CSNK2A2: variants seen among roughly 807,000 people sequenced by gnomAD.
CSNK2A2 encodes casein kinase II subunit alpha'.
A neutral mutation model predicts 54.0 loss-of-function variants in CSNK2A2; 8 were observed. The ratio of observed to expected loss-of-function variants is 0.15; its 90% CI spans 0.09 to 0.27. The LOEUF (loss-of-function observed/expected upper bound fraction) is 0.27. Among genes scored for constraint, CSNK2A2 ranks in the 10% least tolerant of loss-of-function variants. The probability of loss-of-function intolerance (pLI) is 1.00; values close to 1 mark genes in which losing one functional copy is unlikely to be tolerated. For missense variants in CSNK2A2, 242 were observed against 439.4 expected, an observed-to-expected ratio of 0.55 and a Z score of 4.02; for synonymous variants, 141 against 153.9, an observed-to-expected ratio of 0.92 and a Z score of 0.62.
rs146014759 is a variant in CSNK2A2, at chr16:58,158,103, T to C, written c.*268A>G. Reference sequence around the variant, plus strand: ...CAACAGTAACCAACAACATTCTGCATACCCTTCACATTCCCCATGCTTTCT... The same window carrying C: ...CAACAGTAACCAACAACATTCTGCACACCCTTCACATTCCCCATGCTTTCT... On this transcript the variant is annotated 3_prime_UTR_variant, in exon 12 of 12. Coordinates refer to ENST00000262506, the MANE Select transcript of CSNK2A2 (RefSeq NM_001896.4). 6.5e-6 allele frequency: 1 copy of C among 152,712 alleles called. No individual in the cohort carries two copies. The highest frequency in any genetic ancestry group is 2.4e-5 in the African/African-American group (1 of 41,554). 9.5% of individuals were successfully genotyped at this position (152,712 alleles called of 1,614,324 possible). A position where few individuals can be genotyped will look rare whatever the true frequency, so the allele number is the denominator to read the frequency against.
chr16:58,179,062 T>C (rs1031783861), intron 4 of CSNK2A2, among the ~76,000 whole-genome samples: 3 of 152,174 alleles, frequency 2.0e-5, no homozygotes, highest in African/African-American at 7.2e-5. Context: ...ATTGTATAAA[T>C]ATTAAATTTC....
At chr16:58,182,554 C>CAAAAAA (rs59002536) in intron 4 of CSNK2A2, among the ~76,000 whole-genome samples, 8 of 80,594 alleles carry the variant, frequency 9.9e-5, no homozygotes, top group Admixed American at 1.3e-4. Context: ...GGCTCCGTCT[C>CAAAAAA]AAAAAAAAAA....
intron 2 of CSNK2A2, chr16:58,192,723 T>A (rs372697618): frequency 6.6e-6 from 1 of 152,250 alleles, no homozygotes; most frequent in Non-Finnish European, 1.5e-5. Context: ...CCAGTACAGA[T>A]CAGGACATCA....
chr16:58,176,837 CA>C (rs1293904107), intron 4 of CSNK2A2, among the ~76,000 whole-genome samples: 1 of 152,238 alleles, frequency 6.6e-6, no homozygotes, highest in Non-Finnish European at 1.5e-5. Flanking sequence ...ATTCCTCACA[CA>C]GGGACTGGTG....
chr16:58,168,562 G>A (rs1961638891), intron 6 of CSNK2A2, 48 bp downstream of exon 6: 1 of 1,545,210 alleles, frequency 6.5e-7, no homozygotes, highest in South Asian at 1.1e-5. Flanking sequence ...TTTTTGGTCT[G>A]CTCTAAGCCT....
intron 2 of CSNK2A2, among the ~76,000 whole-genome samples, chr16:58,194,281 T>C (rs542607248): frequency 2.0e-4 from 30 of 152,364 alleles, no homozygotes; most frequent in African/African-American, 4.8e-4. Context: ...CAATAGTAGC[T>C]ATTAGTCATA....
At position 58,196,761 on chromosome 16, in the gene CSNK2A2, T is replaced by G. The variant is rs141110736; in HGVS notation, c.188A>C (p.Asn63Thr). 4.3e-4 allele frequency: 699 copies of G among 1,613,462 alleles called. No homozygotes were observed. The highest frequency in any genetic ancestry group is 5.3e-4 in the Non-Finnish European group (620 of 1,179,408). Reference protein sequence around the residue: ...EVFEAINITNNERVVVKILKP... With the variant: ...EVFEAINITNTERVVVKILKP... Reference sequence around the variant, plus strand: ...CAGGATTTTTACAACCACTCTCTCATTGTTGGTGATATTAATGGCCTCAAA... The same window carrying G: ...CAGGATTTTTACAACCACTCTCTCAGTGTTGGTGATATTAATGGCCTCAAA... The change falls in exon 2 of 12, where the codon AAT becomes ACT. Residue 63 changes from asparagine (N) to threonine (T), a missense_variant. Asn to Thr is a moderately conservative substitution (Grantham distance 65). This residue lies in a region of CSNK2A2 where 69 missense variants were observed against 97.0 expected (regional missense o/e 0.71). Coordinates refer to ENST00000262506, the MANE Select transcript of CSNK2A2 (RefSeq NM_001896.4).
intron 10 of CSNK2A2, 143 bp downstream of exon 10, chr16:58,165,417 T>C (rs919399805): frequency 2.2e-5 from 17 of 771,584 alleles, no homozygotes; most frequent in South Asian, 1.0e-4. Context: ...GTTGTCTCAA[T>C]CATCTACGAT....
At chr16:58,178,691 T>TATTA (rs1219124039) in intron 4 of CSNK2A2, among the ~76,000 whole-genome samples, 1 of 152,214 alleles carries the variant, frequency 6.6e-6, no homozygotes, top group East Asian at 1.9e-4. Flanking sequence ...AAAGTATCTT[T>TATTA]ATTACAGTTT....
At chr16:58,186,907 A>C (rs1242097802) in intron 2 of CSNK2A2, 51 bp from the exon 3 acceptor site, 1 of 1,413,384 alleles carries the variant, frequency 7.1e-7, no homozygotes, top group East Asian at 2.3e-5. Flanking sequence ...AAGTTAATAA[A>C]TAAAACTTTA....
intron 3 of CSNK2A2, among the ~76,000 whole-genome samples, chr16:58,186,536 A>G (rs1253388091): frequency 6.6e-6 from 1 of 152,210 alleles, no homozygotes; most frequent in Non-Finnish European, 1.5e-5. Context: ...AAACCCAGAA[A>G]AGGGATTTTT....
intron 2 of CSNK2A2, among the ~76,000 whole-genome samples, chr16:58,191,699 G>C (rs575566919): frequency 3.3e-5 from 5 of 151,904 alleles, no homozygotes; most frequent in African/African-American, 1.2e-4. Flanking sequence ...TTTTTTTAAA[G>C]GCAAGGCATA....
In CSNK2A2 at chr16:58,167,042, CG is replaced by C. The variant is rs3215119; in HGVS notation, c.726+164del. ...ATGGCATTATCTGCCTCTACTTCTG[CG>C]GACCTGGTAAACACAAAATTCTGTG... On this transcript the variant is annotated intron_variant, in intron 8 of 11. Transcript: ENST00000262506. Among the ~76,000 whole-genome samples, 470 of 152,308 alleles carry C rather than the reference CG, an allele frequency of 3.1e-3. 13 individuals carry two copies. The East Asian group carries it at 0.077, about 25-fold the overall frequency.
At chr16:58,192,710 C>T (rs1230363848) in intron 2 of CSNK2A2, 1 of 152,240 alleles carries the variant, frequency 6.6e-6, no homozygotes, top group Non-Finnish European at 1.5e-5. Flanking sequence ...TTCCTCAATT[C>T]TTCCAGTACA....
chr16:58,180,167 AC>A (rs1336827016), intron 4 of CSNK2A2, among the ~76,000 whole-genome samples: 2 of 152,134 alleles, frequency 1.3e-5, no homozygotes, highest in Non-Finnish European at 2.9e-5. Flanking sequence ...TGAAAGCCCA[AC>A]AAAGTTGAAG....
chr16:58,179,957 T>A (rs945070180), intron 4 of CSNK2A2, among the ~76,000 whole-genome samples: 3 of 150,984 alleles, frequency 2.0e-5, no homozygotes, highest in African/African-American at 7.3e-5. Flanking sequence ...CACACGCCTG[T>A]AATCCCAGCT....
chr16:58,171,076 G>T (rs1961723145), intron 5 of CSNK2A2, among the ~76,000 whole-genome samples: 1 of 152,058 alleles, frequency 6.6e-6, no homozygotes. Context: ...GCTTGACCTG[G>T]ATAAGAAGCA....
chr16:58,165,527 ATT>A, intron 10 of CSNK2A2, 31 bp downstream of exon 10: 2 of 1,569,524 alleles, frequency 1.3e-6, no homozygotes, highest in East Asian at 4.5e-5. Context: ...TCTTGACTGA[ATT>A]ACTCCCTGAA....
Position 58,165,650 on chromosome 16 carries a change from G to A in CSNK2A2, c.886C>T (p.Pro296Ser). ...IHSENRHLVS[P>S]EALDLLDKLL... ...TTGTCCAGAAGATCTAGGGCCTCAG[G>A]GCTGACAAGGTGTCTGTTCTCACTA... Residue 296 changes from proline to serine, a missense_variant, in exon 10 of 12, where the codon CCT becomes TCT. Physicochemically the swap from Pro to Ser is moderately conservative, Grantham distance 74. This residue lies in a region of CSNK2A2 where 81 missense variants were observed against 135.0 expected (regional missense o/e 0.60). Transcript: ENST00000262506. 6.2e-7 allele frequency: 1 copy of A among 1,614,068 alleles called. No individual in the cohort carries two copies. Among genetic ancestry groups the A allele is most frequent in the Non-Finnish European group, 8.5e-7 (1 of 1,179,978 alleles).
Sources: gnomAD v4.1 joint callset for allele counts (sites outside exome capture counted in the v4.1 genomes callset) on GRCh38, gnomAD v4.1.1 for gene constraint, gnomAD v4.1.1 regional missense constraint, MANE v1.5 for transcripts, NCBI Gene and HGNC (gene_info 2026-07-23, HGNC 2026-07-21) for gene names.